The following SSUH2 variants were observed in gnomAD, a reference collection of about 807,000 sequenced individuals.
SSUH2 encodes the protein ssu-2 homolog.
A neutral mutation model predicts 55.3 loss-of-function variants in SSUH2; 47 were observed. The ratio of observed to expected loss-of-function variants is 0.85; its 90% CI spans 0.67 to 1.08. The LOEUF (loss-of-function observed/expected upper bound fraction) is 1.08, where lower values mean the gene tolerates loss of function less well. Ranked by LOEUF, SSUH2 falls within the 50% of genes least tolerant of loss-of-function variation. The pLI is 0.00. For synonymous variants in SSUH2, 212 were observed against 191.5 expected, an observed-to-expected ratio of 1.11 and a Z score of -0.89; for missense variants, 535 against 490.7, an observed-to-expected ratio of 1.09 and a Z score of -0.85.
intron 10 of SSUH2, among the ~76,000 whole-genome samples, chr3:8,624,236 T>C (rs961343861): frequency 6.6e-6 from 1 of 152,158 alleles, no homozygotes; most frequent in Non-Finnish European, 1.5e-5. Context: ...CTGCCCCTCA[T>C]TGTGGAACTG....
rs1285992526 is a variant in SSUH2, at chr3:8,619,925, G to A, written c.1071C>T (p.His357=). The A allele has an allele frequency of 1.2e-6, 2 of 1,614,090 alleles. No individual in the cohort carries two copies. The highest frequency in any genetic ancestry group is 1.7e-5 in the Admixed American group (1 of 60,004). Residue 357 remains histidine (H), a synonymous_variant, in exon 12 of 12, where the codon CAC becomes CAT. Transcript: ENST00000544814. ...CAGGATAGTCCACCGCATACACCTGGTGGTCAGTGCCATAGATGTAGTAGA... is the reference window on the plus strand; with the variant it reads ...CAGGATAGTCCACCGCATACACCTGATGGTCAGTGCCATAGATGTAGTAGA... The part of the protein sequence containing the change: ...TYVYYIYGTD[H]QVYAVDYPER...
chr3:8,647,671 T>C (rs939243383), upstream of SSUH2, among the ~76,000 whole-genome samples: 4 of 152,208 alleles, frequency 2.6e-5, no homozygotes, highest in Non-Finnish European at 5.9e-5. Flanking sequence ...TACAGAGCCC[T>C]CACTCTCATT....
At chr3:8,648,654 G>A (rs1352499832), upstream of SSUH2, among the ~76,000 whole-genome samples, 1 of 152,002 alleles carries the variant, frequency 6.6e-6, no homozygotes, top group African/African-American at 2.4e-5. Flanking sequence ...TGCTGCCCTG[G>A]GCTTCCCTCT....
chr3:8,636,318 T>C (rs1183065003), intron 1 of SSUH2, among the ~76,000 whole-genome samples: 1 of 152,076 alleles, frequency 6.6e-6, no homozygotes, highest in Non-Finnish European at 1.5e-5. Flanking sequence ...GGAGGGACCA[T>C]GAGGAGACCC....
intron 5 of SSUH2, among the ~76,000 whole-genome samples, chr3:8,664,559 T>C (rs990705981): frequency 4.6e-5 from 7 of 152,048 alleles, no homozygotes; most frequent in African/African-American, 1.7e-4. Context: ...ACCAAGAAAA[T>C]GCACCCCATT....
In SSUH2 at chr3:8,629,709, A is replaced by T; in HGVS notation, c.543T>A (p.His181Gln). Residue 181 changes from histidine to glutamine, a missense_variant, in exon 7 of 12, where the codon CAT becomes CAA. Physicochemically the swap from His to Gln is conservative, Grantham distance 24 (BLOSUM62 0). Transcript: ENST00000544814. ...CGCTGCACTTGTACCGCCCACGCCC[A>T]TGGCATTTGTGGCATTCCTGAAAGT... ...SSLVKECHKC[H>Q]GRGRYKCSGC... 6.2e-7 allele frequency: 1 copy of T among 1,613,500 alleles called. No individual in the cohort carries two copies. The highest frequency in any genetic ancestry group is 8.5e-7 in the Non-Finnish European group (1 of 1,179,700).
intron 7 of SSUH2, among the ~76,000 whole-genome samples, chr3:8,658,662 C>T (rs1245913567): frequency 6.6e-6 from 1 of 152,200 alleles, no homozygotes; most frequent in Non-Finnish European, 1.5e-5. Context: ...AACAAGCCCC[C>T]GCCAGGCCCC....
chr3:8,652,371 C>A (rs3774209), intron 7 of SSUH2, among the ~76,000 whole-genome samples: 55,901 of 152,032 alleles, frequency 0.37, 11,051 homozygotes, highest in East Asian at 0.59. Context: ...TTTTCCCAAT[C>A]AGACATCCAC....
At chr3:8,624,161 C>T (rs987362355) in intron 10 of SSUH2, among the ~76,000 whole-genome samples, 2 of 152,192 alleles carry the variant, frequency 1.3e-5, no homozygotes, top group African/African-American at 4.8e-5. Context: ...AGATCCCCTT[C>T]TGCCAGGCTT....
chr3:8,629,817 G>A, intron 6 of SSUH2, 91 bp from the exon 7 acceptor site: 1 of 1,234,210 alleles, frequency 8.1e-7, no homozygotes, highest in South Asian at 1.2e-5. Context: ...AGGTGGAGTG[G>A]ATCAGGACCA....
chr3:8,672,382 C>T (rs1312650560), intron 3 of SSUH2, among the ~76,000 whole-genome samples: 1 of 151,882 alleles, frequency 6.6e-6, no homozygotes, highest in Admixed American at 6.5e-5. Context: ...CCTCCTGCGA[C>T]ATGGGGGTAA....
At chr3:8,647,244 C>T (rs544544206), upstream of SSUH2, among the ~76,000 whole-genome samples, 7 of 152,354 alleles carry the variant, frequency 4.6e-5, 1 homozygote, top group South Asian at 1.5e-3. Flanking sequence ...AGCAGCAGAA[C>T]AGAATCTCAG....
intron 3 of SSUH2, among the ~76,000 whole-genome samples, chr3:8,672,280 A>C (rs1471331428): frequency 6.6e-6 from 1 of 151,802 alleles, no homozygotes; most frequent in Non-Finnish European, 1.5e-5. Context: ...TAAGGACCAT[A>C]TCACAGGGGG....
intron 2 of SSUH2, among the ~76,000 whole-genome samples, chr3:8,678,231 C>T (rs368878290): frequency 3.9e-5 from 6 of 152,046 alleles, no homozygotes; most frequent in East Asian, 3.9e-4. Flanking sequence ...CATCTCACAC[C>T]GGGGTGTATA....
intron 1 of SSUH2, among the ~76,000 whole-genome samples, chr3:8,681,650 G>A (rs544192233): frequency 1.4e-5 from 2 of 147,680 alleles, no homozygotes; most frequent in African/African-American, 2.5e-5. Flanking sequence ...GGCACCCCCC[G>A]TGCGATGGGG....
intron 2 of SSUH2, among the ~76,000 whole-genome samples, chr3:8,678,820 A>C (rs1705668177): frequency 1.1e-5 from 1 of 94,372 alleles, no homozygotes; most frequent in Non-Finnish European, 2.3e-5. Flanking sequence ...AGGAGGCGGC[A>C]CTCCCCACGA....
chr3:8,662,599 A>C (rs1703603549), intron 6 of SSUH2, among the ~76,000 whole-genome samples: 1 of 152,242 alleles, frequency 6.6e-6, no homozygotes, highest in Non-Finnish European at 1.5e-5. Context: ...AGAAGGAACA[A>C]GGACAGATAT....
rs867037831 is a variant in SSUH2 at position 8,644,715 on chromosome 3, T to C, written c.28+16A>G. 2.6e-6 allele frequency: 4 copies of C among 1,535,546 alleles called. 1 individual carries two copies. In the South Asian group the frequency reaches 3.6e-5, roughly 14 times the overall value. On this transcript the variant is annotated intron_variant, in intron 1 of 11. Coordinates refer to ENST00000544814, the MANE Select transcript of SSUH2 (RefSeq NM_001256748.3). Reference sequence around the variant, plus strand: ...CTCCACACAGTCTTCCGTGCCATCTTTGAGGCTCTACTTACTGTCATCTTC... The same window carrying C: ...CTCCACACAGTCTTCCGTGCCATCTCTGAGGCTCTACTTACTGTCATCTTC...
chr3:8,639,969 AT>A, intron 1 of SSUH2: 1 of 985,456 alleles, frequency 1.0e-6, no homozygotes, highest in Non-Finnish European at 1.2e-6. Flanking sequence ...TATTGTCGAT[AT>A]GCACAAATGC....
Sources: allele counts gnomAD v4.1 joint callset (sites outside exome capture counted in the v4.1 genomes callset), GRCh38; gene constraint gnomAD v4.1.1; transcripts MANE v1.5; gene names NCBI Gene and HGNC (gene_info 2026-07-23, HGNC 2026-07-21).